ABCA1: variants seen among roughly 807,000 people sequenced by gnomAD.
The protein encoded by ABCA1 is phospholipid-transporting ATPase ABCA1.
In ABCA1, 133 loss-of-function variants were observed where a neutral mutation model predicts 262.5. The ratio of observed to expected loss-of-function variants is 0.51; its 90% CI spans 0.44 to 0.59. The LOEUF (loss-of-function observed/expected upper bound fraction) is 0.59, where lower values mean the gene tolerates loss of function less well. Ranked by LOEUF, ABCA1 falls within the 20% of genes least tolerant of loss-of-function variation. The probability of loss-of-function intolerance (pLI) is 0.00; values close to 1 mark genes in which losing one functional copy is unlikely to be tolerated. For synonymous variants in ABCA1, 1,022 were observed against 1,043.5 expected, an observed-to-expected ratio of 0.98 and a Z score of 0.40; for missense variants, 2,452 against 2,777.5, an observed-to-expected ratio of 0.88 and a Z score of 2.63.
chr9:104,862,239 G>A (rs1836480803), intron 5 of ABCA1, among the ~76,000 whole-genome samples: 1 of 151,976 alleles, frequency 6.6e-6, no homozygotes, highest in Non-Finnish European at 1.5e-5. Context: ...GAGTAGCTGG[G>A]ATTACAGGTA....
chr9:104,792,135 G>A lies in ABCA1; in HGVS notation c.5758-137C>T, dbSNP rs74712259. 6,564 of 798,054 alleles carry A rather than the reference G, an allele frequency of 8.2e-3. 285 individuals carry two copies. The African/African-American group carries it at 0.099, about 12-fold the overall frequency. 49.4% of individuals were successfully genotyped at this position (798,054 alleles called of 1,614,324 possible). ...ATAACCCTAAGCCATAGGCATATTT[G>A]ATGTGCCAAGAGCCTTGGTCTGCGT... is the stretch of plus-strand genomic sequence containing the variant. On this transcript the variant is annotated intron_variant, in intron 42 of 49. Coordinates refer to ENST00000374736, the MANE Select transcript of ABCA1 (RefSeq NM_005502.4).
chr9:104,906,380 T>C (rs1720340277), intron 1 of ABCA1, among the ~76,000 whole-genome samples: 1 of 152,144 alleles, frequency 6.6e-6, no homozygotes, highest in South Asian at 2.1e-4. Flanking sequence ...ATGAGTTTTC[T>C]TGGACAGCAT....
chr9:104,920,090 G>A (rs1842060419), intron 1 of ABCA1, among the ~76,000 whole-genome samples: 1 of 152,192 alleles, frequency 6.6e-6, no homozygotes, highest in Non-Finnish European at 1.5e-5. Flanking sequence ...TAAAAGTCAA[G>A]TAGTATCATT....
chr9:104,845,021 T>C (rs1209122165), intron 8 of ABCA1, among the ~76,000 whole-genome samples: 2 of 152,244 alleles, frequency 1.3e-5, no homozygotes, highest in South Asian at 2.1e-4. Context: ...AGAAGCCAGA[T>C]GCTTTCAAGG....
At chr9:104,858,430 T>C in intron 7 of ABCA1, 92 bp downstream of exon 7, 1 of 1,371,198 alleles carries the variant, frequency 7.3e-7, no homozygotes, top group South Asian at 1.2e-5. Flanking sequence ...AGCCGTACTT[T>C]TCTACAAAAC....
At chr9:104,827,758 C>T (rs1473541866) in intron 15 of ABCA1, among the ~76,000 whole-genome samples, 2 of 152,202 alleles carry the variant, frequency 1.3e-5, no homozygotes, top group Admixed American at 1.3e-4. Flanking sequence ...CTGACCTTCC[C>T]CTTGCAGTTA....
In ABCA1 at chr9:104,829,146, C is replaced by A; in HGVS notation, c.1893-8G>T. The A allele has an allele frequency of 1.2e-6, 2 of 1,614,040 alleles. No homozygotes were observed. Among genetic ancestry groups the A allele is most frequent in the Non-Finnish European group, 1.7e-6 (2 of 1,179,986 alleles). ...CTCATCACCCGCAGAAAGCTGGAGGCCCCAAGGAAGGACAAGGGGAGAAAG... is the reference window on the plus strand; with the variant it reads ...CTCATCACCCGCAGAAAGCTGGAGGACCCAAGGAAGGACAAGGGGAGAAAG... On this transcript the variant is annotated splice_region_variant and splice_polypyrimidine_tract_variant and intron_variant, in intron 14 of 49. Coordinates refer to ENST00000374736, the MANE Select transcript of ABCA1 (RefSeq NM_005502.4).
At chr9:104,855,594 C>T in intron 7 of ABCA1, 1 of 1,300,308 alleles carries the variant, frequency 7.7e-7, no homozygotes. Flanking sequence ...TATTGAGCAC[C>T]TATTGTGTGC....
chr9:104,923,363 G>A (rs1242447340), intron 1 of ABCA1, among the ~76,000 whole-genome samples: 1 of 152,208 alleles, frequency 6.6e-6, no homozygotes, highest in Non-Finnish European at 1.5e-5. Context: ...TGAAGCAATA[G>A]TATAGTTTTC....
intron 7 of ABCA1, among the ~76,000 whole-genome samples, chr9:104,854,295 C>A (rs1431108412): frequency 1.3e-5 from 2 of 152,104 alleles, no homozygotes; most frequent in African/African-American, 2.4e-5. Context: ...TTCAGAGCCC[C>A]CCCAAAAAAA....
chr9:104,798,861 A>G (rs942774266), intron 36 of ABCA1, among the ~76,000 whole-genome samples: 1 of 152,166 alleles, frequency 6.6e-6, no homozygotes, highest in Admixed American at 6.5e-5. Flanking sequence ...AAAACTAATG[A>G]AGGAAGTCAG....
At chr9:104,829,872 G>A (rs1406723575) in intron 14 of ABCA1, among the ~76,000 whole-genome samples, 1 of 151,076 alleles carries the variant, frequency 6.6e-6, no homozygotes, top group Non-Finnish European at 1.5e-5. Context: ...GCCATACAAG[G>A]AAACACACTA....
intron 14 of ABCA1, 72 bp downstream of exon 14, chr9:104,830,853 G>GCA: frequency 1.3e-6 from 2 of 1,529,464 alleles, no homozygotes; most frequent in South Asian, 2.3e-5. Flanking sequence ...GCATGCACAT[G>GCA]CACACACATA....
At chr9:104,876,765 C>T (rs376826971) in intron 5 of ABCA1, among the ~76,000 whole-genome samples, 23 of 152,214 alleles carry the variant, frequency 1.5e-4, no homozygotes, top group African/African-American at 4.8e-4. Context: ...CCAGATTCAC[C>T]AGAGAGGGGG....
At chr9:104,821,913 T>C (rs1386484463) in intron 19 of ABCA1, among the ~76,000 whole-genome samples, 1 of 152,180 alleles carries the variant, frequency 6.6e-6, no homozygotes, top group African/African-American at 2.4e-5. Flanking sequence ...GCTCATAATA[T>C]ATTAATTCTA....
intron 40 of ABCA1, among the ~76,000 whole-genome samples, chr9:104,793,877 A>C (rs190776595): frequency 2.4e-3 from 361 of 152,352 alleles, no homozygotes; most frequent in Non-Finnish European, 4.0e-3. Context: ...TAATGGATGA[A>C]TAATAATCAT....
intron 8 of ABCA1, among the ~76,000 whole-genome samples, chr9:104,844,352 T>G (rs1834668692): frequency 7.0e-6 from 1 of 143,206 alleles, no homozygotes; most frequent in Non-Finnish European, 1.5e-5. Flanking sequence ...AATGGCAAGC[T>G]GAAAGAAGGC....
intron 37 of ABCA1, 59 bp downstream of exon 37, chr9:104,798,362 C>G (rs1830071204): frequency 1.3e-6 from 2 of 1,569,982 alleles, no homozygotes; most frequent in African/African-American, 2.7e-5. Flanking sequence ...TCTTTCTTAT[C>G]CATATCAATC....
intron 39 of ABCA1, among the ~76,000 whole-genome samples, chr9:104,794,860 T>G (rs1181671247): frequency 1.3e-5 from 2 of 152,184 alleles, no homozygotes; most frequent in Admixed American, 1.3e-4. Flanking sequence ...GGGTCAATAT[T>G]TGAGTTTCAG....
Sources: gnomAD v4.1 joint callset for allele counts (sites outside exome capture counted in the v4.1 genomes callset) on GRCh38, gnomAD v4.1.1 for gene constraint, MANE v1.5 for transcripts, NCBI Gene and HGNC (gene_info 2026-07-23, HGNC 2026-07-21) for gene names.